The following ARMC9 variants were observed in gnomAD, a reference collection of about 807,000 sequenced individuals.
ARMC9 encodes the protein lisH domain-containing protein ARMC9.
In ARMC9, 94 loss-of-function variants were observed where a neutral mutation model predicts 107.0. The ratio of observed to expected loss-of-function variants is 0.88; its 90% CI spans 0.74 to 1.04. The LOEUF (loss-of-function observed/expected upper bound fraction) is 1.04. Ranked by LOEUF, ARMC9 falls within the 50% of genes least tolerant of loss-of-function variation. ARMC9 has a pLI of 0.00. For missense variants in ARMC9, 942 were observed against 1,030.1 expected, an observed-to-expected ratio of 0.91 and a Z score of 1.17; for synonymous variants, 380 against 396.9, an observed-to-expected ratio of 0.96 and a Z score of 0.51.
chr2:231,240,093 A>T (rs1449343798), intron 9 of ARMC9, 52 bp downstream of exon 9: 1 of 1,409,938 alleles, frequency 7.1e-7, no homozygotes, highest in Non-Finnish European at 9.9e-7. Flanking sequence ...CCCCAAATTT[A>T]AAAAGAATGT....
intron 12 of ARMC9, among the ~76,000 whole-genome samples, chr2:231,265,834 C>A (rs1216605335): frequency 6.6e-6 from 1 of 151,724 alleles, no homozygotes; most frequent in East Asian, 1.9e-4. Context: ...ATGGTGAAAC[C>A]CTGTCTCTAC....
chr2:231,232,747 G>A (rs998765953), intron 7 of ARMC9, among the ~76,000 whole-genome samples: 3 of 150,810 alleles, frequency 2.0e-5, no homozygotes, highest in South Asian at 2.1e-4. Flanking sequence ...CACTGCGCCC[G>A]GCCTTTGCCA....
intron 17 of ARMC9, chr2:231,288,543 A>G (rs779394651): frequency 2.8e-5 from 13 of 460,642 alleles, no homozygotes; most frequent in Non-Finnish European, 5.0e-5. Context: ...AATGCGCTAG[A>G]GAGTTCAGTT....
intron 16 of ARMC9, among the ~76,000 whole-genome samples, chr2:231,280,534 T>TA (rs1277356149): frequency 6.6e-6 from 1 of 152,070 alleles, no homozygotes; most frequent in Non-Finnish European, 1.5e-5. Flanking sequence ...TATACATACA[T>TA]ACATACATAT....
intron 21 of ARMC9, among the ~76,000 whole-genome samples, chr2:231,351,763 G>A (rs1200087719): frequency 6.6e-6 from 1 of 151,896 alleles, no homozygotes; most frequent in Non-Finnish European, 1.5e-5. Flanking sequence ...TCTGACATTC[G>A]TTTTTACTGA....
chr2:231,307,236 G>A (rs1022760021), intron 19 of ARMC9, among the ~76,000 whole-genome samples: 9 of 152,252 alleles, frequency 5.9e-5, no homozygotes, highest in Non-Finnish European at 1.2e-4. Context: ...AGAGGGGTAA[G>A]TATAGGTGAG....
chr2:231,235,695 T>C (rs1446031920), intron 8 of ARMC9, among the ~76,000 whole-genome samples: 1 of 152,234 alleles, frequency 6.6e-6, no homozygotes, highest in East Asian at 1.9e-4. Context: ...CAGGTTGGAG[T>C]GCAATGGCGT....
intron 19 of ARMC9, among the ~76,000 whole-genome samples, chr2:231,298,712 C>T (rs1449038921): frequency 2.6e-5 from 4 of 152,114 alleles, no homozygotes; most frequent in African/African-American, 9.7e-5. Flanking sequence ...TTTGGGAGGC[C>T]GAGGTGGGCG....
intron 9 of ARMC9, chr2:231,256,040 A>C: frequency 6.8e-7 from 1 of 1,466,948 alleles, no homozygotes; most frequent in Non-Finnish European, 9.1e-7. Context: ...ACTCAGTCTC[A>C]AAAAAAACAA....
chr2:231,256,022 A>T, intron 9 of ARMC9: 1 of 1,385,004 alleles, frequency 7.2e-7, no homozygotes, highest in South Asian at 1.4e-5. Context: ...CCTGGGTGAC[A>T]GAGCAAGACT....
intron 10 of ARMC9, among the ~76,000 whole-genome samples, chr2:231,258,676 A>G (rs762098698): frequency 2.6e-5 from 4 of 152,152 alleles, no homozygotes; most frequent in Admixed American, 6.5e-5. Context: ...CCTCAAGGTG[A>G]TTTCTTCCCT....
intron 10 of ARMC9, 51 bp from the exon 11 acceptor site, chr2:231,258,940 A>T: frequency 6.7e-7 from 1 of 1,496,378 alleles, no homozygotes; most frequent in Non-Finnish European, 9.3e-7. Flanking sequence ...AGGTGTAATA[A>T]ACATGCCCTT....
At chr2:231,286,735 T>G (rs1342328044) in intron 17 of ARMC9, among the ~76,000 whole-genome samples, 1 of 152,186 alleles carries the variant, frequency 6.6e-6, no homozygotes, top group Non-Finnish European at 1.5e-5. Flanking sequence ...TACTGTATAA[T>G]GAGAGATAAA....
chr2:231,344,896 TC>T (rs1402506312), intron 20 of ARMC9, 78 bp from the exon 21 acceptor site: 1 of 1,326,408 alleles, frequency 7.5e-7, no homozygotes, highest in African/African-American at 1.5e-5. Flanking sequence ...AGTAGTTTAT[TC>T]AGTGTATTCT....
At chr2:231,249,933 C>T (rs1229506862) in intron 9 of ARMC9, among the ~76,000 whole-genome samples, 1 of 63,460 alleles carries the variant, frequency 1.6e-5, no homozygotes, top group Admixed American at 1.3e-4. Flanking sequence ...CACACCTCCA[C>T]GGGAGGGAGA....
chr2:231,281,795 TTTAA>T (rs1456780339), intron 16 of ARMC9, among the ~76,000 whole-genome samples: 74 of 152,314 alleles, frequency 4.9e-4, no homozygotes, highest in Non-Finnish European at 2.5e-4. Context: ...TAAAGGTAAC[TTTAA>T]TTAAGCAATG....
chr2:231,354,318 GC>G, intron 21 of ARMC9, among the ~76,000 whole-genome samples: 1 of 143,916 alleles, frequency 6.9e-6, no homozygotes, highest in Non-Finnish European at 1.5e-5. Context: ...AGACTTTCCT[GC>G]CCCCCTCAGG....
chr2:231,331,655 C>T lies in ARMC9; in HGVS notation c.1774-138C>T, dbSNP rs999865907. On this transcript the variant is annotated intron_variant, in intron 19 of 24. Transcript: ENST00000611582. Reference sequence around the variant, plus strand: ...GCAGAGGCAGACTGCCCCTGAGCCCCCTTGGAATATAAGCCTGCAAGTTGC... The same window carrying T: ...GCAGAGGCAGACTGCCCCTGAGCCCTCTTGGAATATAAGCCTGCAAGTTGC... 18 of 702,758 alleles carry T rather than the reference C, an allele frequency of 2.6e-5. No homozygotes were observed. The Admixed American group carries it at 3.4e-4, about 13-fold the overall frequency. 43.5% of individuals were successfully genotyped at this position (702,758 alleles called of 1,614,324 possible).
chr2:231,361,728 T>C (rs566097644), intron 23 of ARMC9, among the ~76,000 whole-genome samples: 1 of 152,258 alleles, frequency 6.6e-6, no homozygotes, highest in Admixed American at 6.5e-5. Context: ...CACTTCCTCC[T>C]GGCCATGAAG....
Sources: gnomAD v4.1 joint callset for allele counts (sites outside exome capture counted in the v4.1 genomes callset) on GRCh38, gnomAD v4.1.1 for gene constraint, MANE v1.5 for transcripts, NCBI Gene and HGNC (gene_info 2026-07-23, HGNC 2026-07-21) for gene names.